Variants in NCAM2 observed in about 807,000 individuals in gnomAD.
NCAM2 encodes neural cell adhesion molecule 2.
Under a neutral mutation model 98.1 loss-of-function variants are expected in NCAM2, and 30 were observed. The observed-to-expected ratio is 0.31, with a 90% CI of 0.23 to 0.41. The LOEUF (loss-of-function observed/expected upper bound fraction) is 0.41, where lower values mean the gene tolerates loss of function less well. Ranked by LOEUF, NCAM2 falls within the 10% of genes least tolerant of loss-of-function variation. The pLI is 1.00. For synonymous variants in NCAM2, 368 were observed against 342.4 expected, an observed-to-expected ratio of 1.07 and a Z score of -0.83; for missense variants, 867 against 1,005.8, an observed-to-expected ratio of 0.86 and a Z score of 1.87.
intron 1 of NCAM2, among the ~76,000 whole-genome samples, chr21:21,275,089 G>A (rs936638402): frequency 2.6e-5 from 4 of 152,026 alleles, no homozygotes; most frequent in Admixed American, 2.0e-4. Context: ...TTATGATAAT[G>A]ATTATCTTCG....
chr21:21,331,396 C>A (rs1472620238), intron 6 of NCAM2, among the ~76,000 whole-genome samples: 1 of 147,940 alleles, frequency 6.8e-6, no homozygotes, highest in Non-Finnish European at 1.5e-5. Context: ...CCTTGGCCTC[C>A]CAAAGTGCTG....
At chr21:21,414,558 T>C (rs2076951016) in intron 10 of NCAM2, among the ~76,000 whole-genome samples, 1 of 150,520 alleles carries the variant, frequency 6.6e-6, no homozygotes, top group Non-Finnish European at 1.5e-5. Context: ...GCACCTCCGC[T>C]TCCCGGGTTC....
chr21:21,142,494 T>C (rs2067190386), intron 1 of NCAM2, among the ~76,000 whole-genome samples: 1 of 146,698 alleles, frequency 6.8e-6, no homozygotes, highest in Non-Finnish European at 1.5e-5. Context: ...TTCTCCTGCC[T>C]CAGACTCCGG....
chr21:21,205,722 A>C (rs915967270), intron 1 of NCAM2, among the ~76,000 whole-genome samples: 1 of 152,148 alleles, frequency 6.6e-6, no homozygotes, highest in Non-Finnish European at 1.5e-5. Context: ...AATACCATAG[A>C]CTGAGGTAGC....
intron 8 of NCAM2, among the ~76,000 whole-genome samples, chr21:21,346,141 A>G (rs1294401658): frequency 6.6e-6 from 1 of 151,734 alleles, no homozygotes; most frequent in East Asian, 1.9e-4. Flanking sequence ...TCTGTTGCCT[A>G]CAAGAAACAT....
chr21:21,276,942 A>G, intron 1 of NCAM2, among the ~76,000 whole-genome samples: 1 of 152,202 alleles, frequency 6.6e-6, no homozygotes, highest in East Asian at 1.9e-4. Context: ...AATTAATTTC[A>G]TGTTCAATTT....
At chr21:21,408,970 CTTT>C (rs2076800566) in intron 9 of NCAM2, among the ~76,000 whole-genome samples, 1 of 150,794 alleles carries the variant, frequency 6.6e-6, no homozygotes, top group African/African-American at 2.4e-5. Context: ...CTGGATATTG[CTTT>C]TTTAAGTAGT....
intron 1 of NCAM2, among the ~76,000 whole-genome samples, chr21:21,051,492 C>T (rs993951514): frequency 2.0e-5 from 3 of 152,168 alleles, no homozygotes; most frequent in East Asian, 3.9e-4. Flanking sequence ...TATCAAATTG[C>T]GCTGAAGAAC....
At chr21:21,420,442 C>T (rs1241504949) in intron 11 of NCAM2, among the ~76,000 whole-genome samples, 1 of 151,914 alleles carries the variant, frequency 6.6e-6, no homozygotes, top group Non-Finnish European at 1.5e-5. Context: ...ATGTGATTTA[C>T]AGTCTTCTAA....
intron 8 of NCAM2, among the ~76,000 whole-genome samples, chr21:21,348,394 A>C (rs2147926617): frequency 6.6e-6 from 1 of 152,256 alleles, no homozygotes; most frequent in South Asian, 2.1e-4. Flanking sequence ...TAACCAAAGA[A>C]GTGAAATGTA....
chr21:21,449,149 A>ACTT (rs776904237), intron 12 of NCAM2, among the ~76,000 whole-genome samples: 75 of 152,036 alleles, frequency 4.9e-4, no homozygotes, highest in Admixed American at 1.1e-3. Flanking sequence ...GTTAAGGAGA[A>ACTT]CTTCTATGCA....
chr21:21,428,005 G>A (rs2826831), intron 11 of NCAM2, among the ~76,000 whole-genome samples: 17,088 of 152,206 alleles, frequency 0.11, 1,303 homozygotes, highest in Non-Finnish European at 0.17. Context: ...AAACTACTGC[G>A]ATGTGAAAAG....
intron 1 of NCAM2, among the ~76,000 whole-genome samples, chr21:21,000,980 T>C (rs73228132): frequency 0.05 from 7,573 of 152,256 alleles, 219 homozygotes; most frequent in Non-Finnish European, 0.058. Flanking sequence ...TGATCCCTGG[T>C]CTTGCCTTAG....
intron 1 of NCAM2, among the ~76,000 whole-genome samples, chr21:21,081,341 C>T (rs572844527): frequency 6.6e-6 from 1 of 152,236 alleles, no homozygotes; most frequent in African/African-American, 2.4e-5. Context: ...GTGCCTTTCC[C>T]TGATGCCGGC....
chr21:21,376,882 G>C (rs1485820745), intron 9 of NCAM2, among the ~76,000 whole-genome samples: 1 of 151,798 alleles, frequency 6.6e-6, no homozygotes, highest in Admixed American at 6.6e-5. Flanking sequence ...CTAAAAGGAT[G>C]TTTTGAGAAT....
chr21:21,424,745 A>G (rs890143305), intron 11 of NCAM2, among the ~76,000 whole-genome samples: 7 of 152,002 alleles, frequency 4.6e-5, no homozygotes, highest in African/African-American at 1.7e-4. Context: ...AACATTCATC[A>G]TGTTTGCAGG....
At chr21:21,279,289 T>C (rs149535244) in intron 1 of NCAM2, among the ~76,000 whole-genome samples, 1 of 152,320 alleles carries the variant, frequency 6.6e-6, no homozygotes, top group African/African-American at 2.4e-5. Flanking sequence ...CCCTTCACCA[T>C]TGGGTTGACT....
chr21:21,453,488 T>C (rs1981652525), intron 12 of NCAM2, among the ~76,000 whole-genome samples: 1 of 152,112 alleles, frequency 6.6e-6, no homozygotes, highest in Non-Finnish European at 1.5e-5. Flanking sequence ...CTTTGCATTT[T>C]ATTCTTAATG....
At chr21:21,255,206 A>T (rs191148087) in intron 1 of NCAM2, among the ~76,000 whole-genome samples, 1 of 152,256 alleles carries the variant, frequency 6.6e-6, no homozygotes, top group Admixed American at 6.5e-5. Flanking sequence ...ACTGGATCAG[A>T]GTTATCCCCG....
Sources: allele counts gnomAD v4.1 joint callset (sites outside exome capture counted in the v4.1 genomes callset), GRCh38; gene constraint gnomAD v4.1.1; transcripts MANE v1.5; gene names NCBI Gene and HGNC (gene_info 2026-07-23, HGNC 2026-07-21).